The following WDPCP variants were observed in gnomAD, a reference collection of about 807,000 sequenced individuals.
The protein encoded by WDPCP is WD repeat-containing and planar cell polarity effector protein fritz homolog.
In WDPCP, 71 loss-of-function variants were observed where a neutral mutation model predicts 93.1. The ratio of observed to expected loss-of-function variants is 0.76; its 90% CI spans 0.63 to 0.93. The LOEUF is 0.93. WDPCP is among the 40% of genes least tolerant of loss of function. The pLI is 0.00. For missense variants in WDPCP, 844 were observed against 887.4 expected (o/e 0.95, Z 0.62); for synonymous variants, 315 against 315.0 (o/e 1.00, Z 0.00).
chr2:63,559,327 GC>G (rs1191857788), intron 1 of WDPCP, among the ~76,000 whole-genome samples: 1 of 152,072 alleles, frequency 6.6e-6, no homozygotes, highest in Admixed American at 6.5e-5. Context: ...TATTGAATGG[GC>G]AAAAGCTGGA....
chr2:63,231,669 T>G (rs986444864), intron 14 of WDPCP, among the ~76,000 whole-genome samples: 5 of 148,708 alleles, frequency 3.4e-5, no homozygotes, highest in Non-Finnish European at 1.5e-5. Context: ...CACTGCTTGA[T>G]GAAATAAAAG....
At chr2:63,755,059 A>T (rs1335428556) in intron 2 of WDPCP, among the ~76,000 whole-genome samples, 1 of 152,126 alleles carries the variant, frequency 6.6e-6, no homozygotes, top group East Asian at 1.9e-4. Flanking sequence ...GCCTCTTTAT[A>T]AGGGCTGTTG....
At chr2:63,333,868 C>T (rs755501331) in intron 12 of WDPCP, among the ~76,000 whole-genome samples, 2 of 152,196 alleles carry the variant, frequency 1.3e-5, no homozygotes, top group Admixed American at 6.5e-5. Context: ...CAGAGTTTGA[C>T]TCTTTTCAAC....
At chr2:63,649,217 G>A (rs1198965062) in intron 3 of WDPCP, among the ~76,000 whole-genome samples, 2 of 152,146 alleles carry the variant, frequency 1.3e-5, no homozygotes. Context: ...GATGGGGAAA[G>A]TAGATCCCTA....
At chr2:63,124,060 T>C (rs1326660985) in intron 17 of WDPCP, among the ~76,000 whole-genome samples, 1 of 151,744 alleles carries the variant, frequency 6.6e-6, no homozygotes, top group Non-Finnish European at 1.5e-5. Context: ...ATTTCTTCTT[T>C]TTCATAAATA....
intron 7 of WDPCP, among the ~76,000 whole-genome samples, chr2:63,438,465 A>C (rs929276505): frequency 6.6e-6 from 1 of 152,112 alleles, no homozygotes; most frequent in Non-Finnish European, 1.5e-5. Context: ...CAGAGACACG[A>C]ATTGTGCTGA....
intron 2 of WDPCP, among the ~76,000 whole-genome samples, chr2:63,678,424 A>C (rs1710449968): frequency 6.6e-6 from 1 of 152,194 alleles, no homozygotes. Flanking sequence ...GAATTGATTA[A>C]GAATTGATTG....
intron 6 of WDPCP, among the ~76,000 whole-genome samples, chr2:63,457,208 T>A (rs2105714743): frequency 6.6e-6 from 1 of 151,862 alleles, no homozygotes; most frequent in Admixed American, 6.6e-5. Flanking sequence ...AATTATATGC[T>A]AACGAACTAA....
chr2:63,173,801 T>C (rs1673581908), intron 15 of WDPCP, among the ~76,000 whole-genome samples: 1 of 152,234 alleles, frequency 6.6e-6, no homozygotes. Context: ...TGTTAATGTG[T>C]ACAGTTTGAG....
At chr2:63,623,656 AC>A (rs1268569025) in intron 3 of WDPCP, among the ~76,000 whole-genome samples, 2 of 152,186 alleles carry the variant, frequency 1.3e-5, no homozygotes, top group African/African-American at 4.8e-5. Flanking sequence ...ATATACATGA[AC>A]CCAATACAGG....
chr2:63,748,973 C>G (rs990465229), intron 2 of WDPCP, among the ~76,000 whole-genome samples: 6 of 152,096 alleles, frequency 3.9e-5, no homozygotes, highest in African/African-American at 1.4e-4. Context: ...TGGTAACACA[C>G]AGTTTCTGTG....
chr2:63,153,894 A>G (rs1004997071), intron 15 of WDPCP, among the ~76,000 whole-genome samples: 3 of 152,006 alleles, frequency 2.0e-5, no homozygotes, highest in Admixed American at 6.5e-5. Flanking sequence ...CATGGAAACC[A>G]AATGTGATGC....
intron 14 of WDPCP, among the ~76,000 whole-genome samples, chr2:63,201,093 C>A (rs1262847623): frequency 6.6e-6 from 1 of 152,082 alleles, no homozygotes; most frequent in African/African-American, 2.4e-5. Flanking sequence ...GAGGATTTCC[C>A]CCTTGCTGTT....
At chr2:63,684,181 C>G (rs1668772031) in intron 2 of WDPCP, 2 of 321,080 alleles carry the variant, frequency 6.2e-6, no homozygotes. Flanking sequence ...TTCTTCTCCC[C>G]AGCATGTGGA....
At chr2:63,228,820 C>A (rs536191239) in intron 14 of WDPCP, 1 of 152,014 alleles carries the variant, frequency 6.6e-6, no homozygotes, top group South Asian at 2.1e-4. Context: ...ATTTTCTTAA[C>A]CCAGTCTATC....
chr2:63,257,895 T>G (rs894174338), intron 14 of WDPCP, among the ~76,000 whole-genome samples: 4 of 152,154 alleles, frequency 2.6e-5, no homozygotes, highest in African/African-American at 4.8e-5. Context: ...ACAGGACAAC[T>G]AAGGAAAATT....
intron 17 of WDPCP, among the ~76,000 whole-genome samples, chr2:63,146,224 T>C (rs185545227): frequency 4.5e-4 from 69 of 152,298 alleles, no homozygotes; most frequent in African/African-American, 1.6e-3. Context: ...TTGCTCTGGC[T>C]ATAACTTCCA....
At chr2:63,296,521 T>A (rs569998852) in intron 13 of WDPCP, among the ~76,000 whole-genome samples, 2 of 152,276 alleles carry the variant, frequency 1.3e-5, no homozygotes, top group East Asian at 3.9e-4. Flanking sequence ...ATTCACTGAT[T>A]ACATGATCTT....
chr2:63,463,354 G>A (rs1390439491), intron 6 of WDPCP, among the ~76,000 whole-genome samples: 2 of 152,074 alleles, frequency 1.3e-5, no homozygotes, highest in Non-Finnish European at 2.9e-5. Context: ...AGAAGGAAAT[G>A]GAGACTCTAA....
Sources: gnomAD v4.1 joint callset for allele counts (sites outside exome capture counted in the v4.1 genomes callset) on GRCh38, gnomAD v4.1.1 for gene constraint, MANE v1.5 for transcripts, NCBI Gene and HGNC (gene_info 2026-07-23, HGNC 2026-07-21) for gene names.